The following PARD3 variants were observed in gnomAD, a reference collection of about 807,000 sequenced individuals.
PARD3 encodes the protein partitioning defective 3 homolog.
In PARD3, 75 loss-of-function variants were observed where a neutral mutation model predicts 155.4. The observed-to-expected ratio is 0.48, with a 90% CI of 0.40 to 0.58. The LOEUF is 0.58. Ranked by LOEUF, PARD3 falls within the 20% of genes least tolerant of loss-of-function variation. The pLI, the probability that PARD3 is intolerant of heterozygous loss-of-function variation, is 0.00. For missense variants in PARD3, 1,642 were observed against 1,721.7 expected, an observed-to-expected ratio of 0.95 and a Z score of 0.82; for synonymous variants, 576 against 610.5, an observed-to-expected ratio of 0.94 and a Z score of 0.83.
intron 2 of PARD3, among the ~76,000 whole-genome samples, chr10:34,650,454 G>C (rs983620411): frequency 6.6e-6 from 1 of 152,224 alleles, no homozygotes; most frequent in Non-Finnish European, 1.5e-5. Flanking sequence ...CTAAGCCAAA[G>C]ACAGCACATG....
intron 12 of PARD3, among the ~76,000 whole-genome samples, chr10:34,360,479 A>G (rs1037890046): frequency 1.3e-5 from 2 of 152,210 alleles, no homozygotes; most frequent in African/African-American, 2.4e-5. Context: ...TCAATATTGA[A>G]CCAAACTTAA....
intron 1 of PARD3, among the ~76,000 whole-genome samples, chr10:34,707,014 G>A (rs2094373730): frequency 6.6e-6 from 1 of 152,030 alleles, no homozygotes; most frequent in Non-Finnish European, 1.5e-5. Context: ...GGGAGGCTGA[G>A]GTGGTCAGAT....
At chr10:34,620,716 C>T (rs1053430288) in intron 2 of PARD3, among the ~76,000 whole-genome samples, 18 of 152,110 alleles carry the variant, frequency 1.2e-4, no homozygotes, top group African/African-American at 2.9e-4. Flanking sequence ...TTTAATTAAA[C>T]GGATTCAAAA....
In PARD3 at chr10:34,259,990, G is replaced by A. The variant is rs1050104862; in HGVS notation, c.3419+9667C>T. 2.6e-5 allele frequency among the ~76,000 whole-genome samples: 4 copies of A among 152,020 alleles called. No homozygotes were observed. The South Asian group carries it at 6.2e-4, about 24-fold the overall frequency. On this transcript the variant is annotated intron_variant, in intron 22 of 24. Transcript: ENST00000374788. ...CCCAAGTAGCTGTGACTACAGGTAG[G>A]TGCCACTATGCCCAGGTAATTTTAT...
At chr10:34,642,989 G>C (rs2092726342) in intron 2 of PARD3, among the ~76,000 whole-genome samples, 1 of 152,168 alleles carries the variant, frequency 6.6e-6, no homozygotes, top group South Asian at 2.1e-4. Context: ...CCCCATCAGA[G>C]AAAGTGGACT....
chr10:34,518,159 G>A (rs374060626), intron 2 of PARD3, among the ~76,000 whole-genome samples: 3 of 152,220 alleles, frequency 2.0e-5, no homozygotes, highest in Admixed American at 1.3e-4. Flanking sequence ...GATTACAGGC[G>A]TGAGCCACTG....
chr10:34,633,053 T>C (rs1409151483), intron 2 of PARD3, among the ~76,000 whole-genome samples: 3 of 152,240 alleles, frequency 2.0e-5, no homozygotes, highest in African/African-American at 7.2e-5. Flanking sequence ...ATTTCTCTTG[T>C]ATATTGACAA....
intron 20 of PARD3, among the ~76,000 whole-genome samples, chr10:34,300,823 A>T (rs991335638): frequency 6.6e-6 from 1 of 152,220 alleles, no homozygotes; most frequent in Non-Finnish European, 1.5e-5. Context: ...CGTGTTCAGC[A>T]GGACAACTCC....
chr10:34,650,173 A>C (rs1447364893), intron 2 of PARD3, among the ~76,000 whole-genome samples: 2 of 152,196 alleles, frequency 1.3e-5, no homozygotes, highest in African/African-American at 2.4e-5. Flanking sequence ...CCAGTAACAG[A>C]GTCAAAGATT....
In PARD3 at chr10:34,764,621, T is replaced by A. The variant is rs193205817; in HGVS notation, c.120+50255A>T. Among the ~76,000 whole-genome samples, 174 of 152,026 alleles carry A rather than the reference T, an allele frequency of 1.1e-3. 1 individual carries two copies. The highest frequency in any genetic ancestry group is 8.7e-3 in the Admixed American group (132 of 15,256). ...TGCCTGAGTGCTCATTATTCTACTC[T>A]CTGTTTACTTTGAAAATTTCCATAA... On this transcript the variant is annotated intron_variant, in intron 1 of 24. Transcript: ENST00000374788.
At chr10:34,675,982 C>A in intron 2 of PARD3, 1 of 153,898 alleles carries the variant, frequency 6.5e-6, no homozygotes, top group South Asian at 2.0e-4. Context: ...TCTTCAGCAC[C>A]GCTTGTAAAG....
intron 20 of PARD3, among the ~76,000 whole-genome samples, chr10:34,291,178 A>G (rs555841488): frequency 1.3e-5 from 2 of 152,306 alleles, no homozygotes; most frequent in East Asian, 3.9e-4. Context: ...TTTTATTCAA[A>G]GGAAAAAAAA....
intron 22 of PARD3, among the ~76,000 whole-genome samples, chr10:34,175,738 T>C (rs1271198631): frequency 1.3e-5 from 2 of 152,210 alleles, no homozygotes; most frequent in Non-Finnish European, 2.9e-5. Flanking sequence ...GTGAATATTA[T>C]AGGATATAGG....
intron 2 of PARD3, among the ~76,000 whole-genome samples, chr10:34,551,031 G>A (rs1031455753): frequency 2.0e-5 from 3 of 152,084 alleles, no homozygotes; most frequent in Non-Finnish European, 2.9e-5. Context: ...CCTGAGTCCA[G>A]TTACAAAAAT....
intron 1 of PARD3, among the ~76,000 whole-genome samples, chr10:34,803,211 C>T (rs1014959065): frequency 3.3e-5 from 5 of 149,336 alleles, no homozygotes; most frequent in Non-Finnish European, 7.4e-5. Context: ...TGCACTCCAG[C>T]CTGGGCAACA....
chr10:34,402,201 TTTC>T (rs1843960550), intron 5 of PARD3, among the ~76,000 whole-genome samples: 1 of 152,160 alleles, frequency 6.6e-6, no homozygotes, highest in Admixed American at 6.6e-5. Context: ...TTATGCTAAT[TTTC>T]TTATCTGGTC....
chr10:34,781,844 G>A (rs536179129), intron 1 of PARD3, among the ~76,000 whole-genome samples: 10 of 152,232 alleles, frequency 6.6e-5, no homozygotes, highest in African/African-American at 1.9e-4. Context: ...GTGCTCTATC[G>A]GATAATCCAG....
intron 2 of PARD3, among the ~76,000 whole-genome samples, chr10:34,629,940 T>G (rs1281939460): frequency 2.0e-5 from 3 of 152,162 alleles, no homozygotes; most frequent in African/African-American, 7.2e-5. Context: ...TCTAAGTATC[T>G]AATGTATAAC....
intron 22 of PARD3, among the ~76,000 whole-genome samples, chr10:34,166,181 G>C (rs1949518624): frequency 2.6e-5 from 4 of 152,148 alleles, no homozygotes; most frequent in Admixed American, 2.6e-4. Context: ...ATTAAATTTA[G>C]CAATAGAGCT....
Sources: allele counts gnomAD v4.1 joint callset (sites outside exome capture counted in the v4.1 genomes callset), GRCh38; gene constraint gnomAD v4.1.1; transcripts MANE v1.5; gene names NCBI Gene and HGNC (gene_info 2026-07-23, HGNC 2026-07-21).